ADAM12: variants seen among roughly 807,000 people sequenced by gnomAD.
ADAM12 encodes ADAM metallopeptidase domain 12, also known as disintegrin and metalloproteinase domain-containing protein 12.
A neutral mutation model predicts 106.4 loss-of-function variants in ADAM12; 70 were observed. The observed-to-expected ratio is 0.66, with a 90% CI of 0.54 to 0.80. The LOEUF (loss-of-function observed/expected upper bound fraction) is 0.80, where lower values mean the gene tolerates loss of function less well. Among genes scored for constraint, ADAM12 ranks in the 30% least tolerant of loss-of-function variants. ADAM12 has a pLI of 0.00. For synonymous variants in ADAM12, 420 were observed against 433.5 expected, an observed-to-expected ratio of 0.97 and a Z score of 0.39; for missense variants, 1,010 against 1,171.9, an observed-to-expected ratio of 0.86 and a Z score of 2.02.
intron 3 of ADAM12, among the ~76,000 whole-genome samples, chr10:126,173,526 G>A (rs901889033): frequency 1.3e-5 from 2 of 152,168 alleles, no homozygotes; most frequent in African/African-American, 4.8e-5. Context: ...ACTGTCCCCA[G>A]ACACAGCCAA....
chr10:126,036,047 G>C (rs1198320551), intron 21 of ADAM12, 99 bp downstream of exon 21: 1 of 1,069,896 alleles, frequency 9.3e-7, no homozygotes, highest in East Asian at 3.1e-5. Flanking sequence ...ATTTTACAGA[G>C]GCACCGAGAA....
chr10:126,243,315 A>G (rs1372318569), intron 3 of ADAM12, among the ~76,000 whole-genome samples: 3 of 152,200 alleles, frequency 2.0e-5, no homozygotes, highest in African/African-American at 4.8e-5. Flanking sequence ...GATAATAACT[A>G]TGGATATCAA....
chr10:126,257,639 T>C lies in ADAM12; in HGVS notation c.260+21276A>G, dbSNP rs7092463. On this transcript the variant is annotated intron_variant, in intron 3 of 22. Coordinates refer to ENST00000448723, the MANE Select transcript of ADAM12 (RefSeq NM_001288973.2). The stretch of plus-strand genomic sequence containing the variant: ...CCTGTCACACAATCGCATAAAAATT[T>C]ACATCGCAGATAAAATACTACAATC... 4.3e-3 allele frequency among the ~76,000 whole-genome samples: 661 copies of C among 152,352 alleles called. 7 individuals are homozygous for C. The highest frequency in any genetic ancestry group is 0.015 in the African/African-American group (621 of 41,588).
At chr10:126,314,724 C>T (rs867649656) in intron 2 of ADAM12, among the ~76,000 whole-genome samples, 1 of 152,152 alleles carries the variant, frequency 6.6e-6, no homozygotes. Flanking sequence ...TGAAGTCAAG[C>T]CCCCAGCATG....
chr10:126,093,439 C>T (rs1955501644), intron 11 of ADAM12, among the ~76,000 whole-genome samples: 1 of 152,168 alleles, frequency 6.6e-6, no homozygotes, highest in Admixed American at 6.5e-5. Context: ...TTCATTTAAA[C>T]CTCTAAGATC....
chr10:126,291,215 G>T lies in ADAM12; in HGVS notation c.187-12227C>A, dbSNP rs938025736. 6.6e-5 allele frequency among the ~76,000 whole-genome samples: 10 copies of T among 152,226 alleles called. No individual in the cohort carries two copies. The East Asian group carries it at 1.9e-3, about 29-fold the overall frequency. On this transcript the variant is annotated intron_variant, in intron 2 of 22. Transcript: ENST00000448723. Reference sequence around the variant, plus strand: ...CAGTCAGGGGAAGTTAGCTTAAGTTGCTAGTTTGTTTGCATGCAAGCTGTC... The same window carrying T: ...CAGTCAGGGGAAGTTAGCTTAAGTTTCTAGTTTGTTTGCATGCAAGCTGTC...
intron 6 of ADAM12, among the ~76,000 whole-genome samples, chr10:126,113,012 AAGAG>A (rs1307875694): frequency 6.6e-6 from 1 of 152,212 alleles, no homozygotes; most frequent in African/African-American, 2.4e-5. Context: ...TAACGAAAGA[AAGAG>A]AGAGTCTGTG....
At chr10:126,357,843 T>C (rs1855595403) in intron 1 of ADAM12, among the ~76,000 whole-genome samples, 1 of 152,184 alleles carries the variant, frequency 6.6e-6, no homozygotes. Context: ...TTATGGGAAC[T>C]ACATTTCATG....
chr10:126,168,005 G>A (rs1452267466), intron 3 of ADAM12, among the ~76,000 whole-genome samples: 1 of 152,222 alleles, frequency 6.6e-6, no homozygotes, highest in Admixed American at 6.5e-5. Context: ...TCACATGCAT[G>A]TTGGATAGGA....
chr10:126,351,155 G>A (rs1410121198), intron 1 of ADAM12, among the ~76,000 whole-genome samples: 1 of 152,154 alleles, frequency 6.6e-6, no homozygotes, highest in Non-Finnish European at 1.5e-5. Context: ...CACCTGTTCA[G>A]CCCAAAGCTG....
intron 3 of ADAM12, among the ~76,000 whole-genome samples, chr10:126,215,057 G>A (rs1407102343): frequency 2.6e-5 from 4 of 152,140 alleles, no homozygotes; most frequent in African/African-American, 7.2e-5. Context: ...GGCTTTGGAG[G>A]TCCTCTAGCT....
chr10:126,093,892 C>T (rs764947496), intron 11 of ADAM12, 93 bp downstream of exon 11: 9 of 1,548,698 alleles, frequency 5.8e-6, no homozygotes, highest in Non-Finnish European at 7.9e-6. Flanking sequence ...GGTGCTCTGA[C>T]CAGAAAACCA....
At chr10:126,257,826 C>T (rs1230889614) in intron 3 of ADAM12, among the ~76,000 whole-genome samples, 1 of 152,170 alleles carries the variant, frequency 6.6e-6, no homozygotes, top group African/African-American at 2.4e-5. Context: ...AGGAAAGGCT[C>T]AGCAGCGCAA....
intron 8 of ADAM12, among the ~76,000 whole-genome samples, chr10:126,106,777 C>T (rs117333050): frequency 0.025 from 3,835 of 152,216 alleles, 77 homozygotes; most frequent in Non-Finnish European, 0.039. Context: ...AGCCACCGCG[C>T]CCGCTCAGGC....
intron 3 of ADAM12, among the ~76,000 whole-genome samples, chr10:126,156,321 C>G (rs143080692): frequency 6.6e-6 from 1 of 152,144 alleles, no homozygotes; most frequent in African/African-American, 2.4e-5. Context: ...CTAAGTCAAA[C>G]GGAAACACTT....
At chr10:126,383,761 C>G in intron 1 of ADAM12, among the ~76,000 whole-genome samples, 1 of 152,042 alleles carries the variant, frequency 6.6e-6, no homozygotes, top group East Asian at 1.9e-4. Context: ...AACTAGCAAT[C>G]AAGGGTGGAA....
At chr10:126,229,555 T>C (rs1427703695) in intron 3 of ADAM12, among the ~76,000 whole-genome samples, 1 of 152,102 alleles carries the variant, frequency 6.6e-6, no homozygotes, top group East Asian at 1.9e-4. Flanking sequence ...TAATTAGCAT[T>C]GAATGTATCT....
chr10:126,126,433 G>C (rs1162369784), intron 5 of ADAM12, among the ~76,000 whole-genome samples: 2 of 152,066 alleles, frequency 1.3e-5, no homozygotes, highest in Admixed American at 1.3e-4. Flanking sequence ...CCAGGGAATA[G>C]TTTCCTTATT....
chr10:126,036,383 C>T lies in ADAM12; in HGVS notation c.2350-58G>A. ...CGGGTTTCAAAAATATCAGTAACTC[C>T]TTAAGGAAAAAGCAGTGCTAACTCA... is the stretch of plus-strand genomic sequence containing the variant. On this transcript the variant is annotated intron_variant, in intron 20 of 22. Coordinates refer to ENST00000448723, the MANE Select transcript of ADAM12 (RefSeq NM_001288973.2). The T allele has an allele frequency of 2.6e-6, 4 of 1,530,750 alleles. No individual in the cohort carries two copies. In the South Asian group the frequency reaches 5.2e-5, roughly 20 times the overall value. 94.8% of individuals were successfully genotyped at this position (1,530,750 alleles called of 1,614,324 possible).
Sources: allele counts gnomAD v4.1 joint callset (sites outside exome capture counted in the v4.1 genomes callset), GRCh38; gene constraint gnomAD v4.1.1; transcripts MANE v1.5; gene names NCBI Gene and HGNC (gene_info 2026-07-23, HGNC 2026-07-21).